Variants in GPR108 observed in about 807,000 individuals in gnomAD.
GPR108 encodes the protein G protein-coupled receptor 108.
GPR108 carries 60 observed loss-of-function variants against 74.3 expected under a neutral mutation model. The observed-to-expected ratio is 0.81, with a 90% CI of 0.66 to 1.00. The LOEUF (loss-of-function observed/expected upper bound fraction) is 1.00. GPR108 is among the 50% of genes least tolerant of loss of function. The pLI, the probability that GPR108 is intolerant of heterozygous loss-of-function variation, is 0.00. For missense variants in GPR108, 667 were observed against 703.3 expected, an observed-to-expected ratio of 0.95 and a Z score of 0.58; for synonymous variants, 311 against 292.4, an observed-to-expected ratio of 1.06 and a Z score of -0.65.
chr19:6,733,692 G>A lies in GPR108; in HGVS notation c.619-18C>T, dbSNP rs759852134. The A allele has an allele frequency of 3.1e-6, 5 of 1,610,874 alleles. No homozygotes were observed. The Admixed American group carries it at 8.3e-5, about 27-fold the overall frequency. On this transcript the variant is annotated intron_variant, in intron 7 of 17. Coordinates refer to ENST00000264080, the MANE Select transcript of GPR108 (RefSeq NM_001080452.2). The stretch of plus-strand genomic sequence containing the variant: ...ACGTGGAACTGGGCGGGCGGGGAGA[G>A]AGGAGGGCTCAGCCTGGGGGACCCG...
chr19:6,732,907 A>G, intron 10 of GPR108, 80 bp downstream of exon 10: 3 of 1,307,818 alleles, frequency 2.3e-6, no homozygotes, highest in Non-Finnish European at 3.2e-6. Context: ...CCACAGGCCC[A>G]GGGTCTGCAG....
At chr19:6,731,977 C>T (rs371648333) in intron 13 of GPR108, 43 bp from the exon 14 acceptor site, 109 of 1,613,272 alleles carry the variant, frequency 6.8e-5, no homozygotes, top group Admixed American at 1.0e-4. Context: ...GCGCGGACAT[C>T]GCCCATGTGC....
At position 6,729,989 on chromosome 19, in the gene GPR108, A is replaced by G. The variant is rs1968317557; in HGVS notation, c.*323T>C. On this transcript the variant is annotated 3_prime_UTR_variant, in exon 18 of 18. Coordinates refer to ENST00000264080, the MANE Select transcript of GPR108 (RefSeq NM_001080452.2). ...CGCCCCCGCCACACACAGCGAAAAC[A>G]GGTTTCTACATTGTAAACACAACCT... The G allele has an allele frequency of 6.1e-6, 2 of 329,220 alleles. No homozygotes were observed. Among genetic ancestry groups the G allele is most frequent in the African/African-American group, 4.3e-5 (2 of 46,958 alleles). 20.4% of individuals were successfully genotyped at this position (329,220 alleles called of 1,614,324 possible). A position where few individuals can be genotyped will look rare whatever the true frequency, so the allele number is the denominator to read the frequency against.
In GPR108 at chr19:6,731,898, G is replaced by A. The variant is rs531668209; in HGVS notation, c.1293C>T (p.Asp431=). 1.6e-4 allele frequency: 266 copies of A among 1,612,318 alleles called. 3 individuals carry two copies. The South Asian group carries it at 2.7e-3, about 17-fold the overall frequency. ...GCAGGCGCAGGGCCTCACCCTTCCC[G>A]TCTGTGCCAGACGCATCCTGGAGAT... ...IRHLQDASGT[D]GKVAVNLAKL... is the part of the protein sequence containing the mutation. The change falls in exon 14 of 18, where the codon GAC becomes GAT. Residue 431 remains aspartate, a synonymous_variant. Transcript: ENST00000264080.
intron 3 of GPR108, 42 bp downstream of exon 3, chr19:6,735,866 C>T: frequency 6.3e-7 from 1 of 1,595,146 alleles, no homozygotes; most frequent in Non-Finnish European, 8.6e-7. Flanking sequence ...CTACCCCCTC[C>T]CTCCAGCCCC....
intron 1 of GPR108, 158 bp downstream of exon 1, chr19:6,737,299 T>G (rs1472940705): frequency 2.2e-5 from 21 of 942,112 alleles, no homozygotes; most frequent in Non-Finnish European, 2.7e-5. Flanking sequence ...CCGAAGGGGA[T>G]CCCGGGACGA....
rs377398403 is a variant in GPR108 at position 6,736,757 on chromosome 19, C to T, written c.121-46G>A. 5 of 1,612,622 alleles carry T rather than the reference C, an allele frequency of 3.1e-6. No homozygotes were observed. In the South Asian group the frequency reaches 5.5e-5, roughly 18 times the overall value. On this transcript the variant is annotated intron_variant, in intron 1 of 17. Transcript: ENST00000264080. ...AGAGGCAGTTCAGACCTCTTTCCGC[C>T]TGCCCAGCCCCAGGGGTCTGGCACG...
At position 6,732,073 on chromosome 19, in the gene GPR108, A is replaced by T; in HGVS notation, c.1208T>A (p.Phe403Tyr). 6.2e-7 allele frequency: 1 copy of T among 1,614,002 alleles called. No individual in the cohort carries two copies. Among genetic ancestry groups the T allele is most frequent in the Non-Finnish European group, 8.5e-7 (1 of 1,180,000 alleles). Residue 403 changes from phenylalanine to tyrosine, a missense_variant, in exon 13 of 18, where the codon TTC becomes TAC. Phe to Tyr is a conservative substitution (Grantham distance 22). Transcript: ENST00000264080. ...SDYVLWKEIL[F>Y]LVDLICCGAI... ...ACCACAGCAGATGAGGTCCACCAGG[A>T]ACAAAATCTCCTTCCACAGCACGTA...
chr19:6,732,181 G>T, intron 12 of GPR108, 26 bp from the exon 13 acceptor site: 1 of 1,612,676 alleles, frequency 6.2e-7, no homozygotes, highest in East Asian at 2.2e-5. Flanking sequence ...GGGTGGGTGG[G>T]CACTGCCTGG....
At chr19:6,730,866 T>C in intron 17 of GPR108, 121 bp downstream of exon 17, 1 of 1,104,502 alleles carries the variant, frequency 9.1e-7, no homozygotes, top group Non-Finnish European at 1.3e-6. Context: ...CAGCAGGCTC[T>C]GCCCTAACAC....
Position 6,737,518 on chromosome 19 carries a change from C to A in GPR108, c.59G>T (p.Arg20Leu). 1 of 1,576,200 alleles carries A rather than the reference C, an allele frequency of 6.3e-7. No homozygotes were observed. Residue 20 changes from arginine (R) to leucine (L), a missense_variant, in exon 1 of 18, where the codon CGG (arginine) becomes CTG (leucine). By Grantham distance (102) the Arg-to-Leu change is moderately radical. Coordinates refer to ENST00000264080, the MANE Select transcript of GPR108 (RefSeq NM_001080452.2). Reference protein sequence around the residue: ...GRGSPAEWGQRLLLVLLLGGC... With the variant: ...GRGSPAEWGQLLLLVLLLGGC... ...ACCCAGCAGCAGCACCAGAAGTAGC[C>A]GCTGCCCCCACTCCGCGGGGCTCCC...
Position 6,733,064 on chromosome 19 carries a change from TG to T in GPR108, c.858-3del. ...CAGTGGATCTTGAAGACGCTGTACC[TG>T]GTGGGAGGGTCAGGGAGAGATGGGG... is the stretch of plus-strand genomic sequence containing the variant. On this transcript the variant is annotated splice_polypyrimidine_tract_variant and splice_region_variant and intron_variant, in intron 9 of 17. Coordinates refer to ENST00000264080, the MANE Select transcript of GPR108 (RefSeq NM_001080452.2). 2 of 1,612,946 alleles carry T rather than the reference TG, an allele frequency of 1.2e-6. No homozygotes were observed. The highest frequency in any genetic ancestry group is 8.5e-7 in the Non-Finnish European group (1 of 1,179,662).
rs147082047 is a variant in GPR108 at position 6,732,484 on chromosome 19, G to A, written c.999C>T (p.Ile333=). The A allele has an allele frequency of 1.9e-3, 3,074 of 1,613,790 alleles. 43 individuals are homozygous for A. The African/African-American group carries it at 0.035, about 18-fold the overall frequency. The part of the protein sequence containing the change: ...PIEGLAVMYY[I]AHLLKGALLF... The stretch of plus-strand genomic sequence containing the variant: ...GAGTGGGGGACACTCACAGGTGTGC[G>A]ATGTAGTACATGACGGCAAGGCCTT... The change falls in exon 11 of 18, where the codon ATC becomes ATT. Residue 333 remains isoleucine, a synonymous_variant. Coordinates refer to ENST00000264080, the MANE Select transcript of GPR108 (RefSeq NM_001080452.2).
intron 4 of GPR108, among the ~76,000 whole-genome samples, chr19:6,734,727 A>G (rs1474345866): frequency 1.3e-5 from 2 of 151,962 alleles, no homozygotes; most frequent in African/African-American, 4.8e-5. Context: ...TTTTCTAGAG[A>G]CAGGGGTCTC....
intron 4 of GPR108, among the ~76,000 whole-genome samples, chr19:6,734,975 A>AG (rs1413508081): frequency 2.6e-5 from 4 of 151,696 alleles, no homozygotes; most frequent in African/African-American, 9.7e-5. Context: ...CCACCTCCCC[A>AG]GCTCAGGAGA....
At position 6,736,043 on chromosome 19, in the gene GPR108, C is replaced by A. The variant is rs340133; in HGVS notation, c.241-85G>T. Reference sequence around the variant, plus strand: ...CCTTTCAGTAGCAATAGAAACCTAACCTCACATTTACTGAACACCTAACAT... The same window carrying A: ...CCTTTCAGTAGCAATAGAAACCTAAACTCACATTTACTGAACACCTAACAT... On this transcript the variant is annotated intron_variant, in intron 2 of 17. Coordinates refer to ENST00000264080, the MANE Select transcript of GPR108 (RefSeq NM_001080452.2). The A allele has an allele frequency of 9.9e-4, 1,225 of 1,236,506 alleles. 8 individuals carry two copies. The African/African-American group carries it at 0.016, about 16-fold the overall frequency. 76.6% of individuals were successfully genotyped at this position (1,236,506 alleles called of 1,614,324 possible).
rs755656479 is a variant in GPR108 at position 6,732,119 on chromosome 19, G to A, written c.1162C>T (p.Arg388Cys). 3.7e-6 allele frequency: 6 copies of A among 1,613,704 alleles called. No individual in the cohort carries two copies. Among genetic ancestry groups the A allele is most frequent in the South Asian group, 1.1e-5 (1 of 91,086 alleles). Residue 388 changes from arginine to cysteine, a missense_variant, in exon 13 of 18, where the codon CGC becomes TGC. Physicochemically the swap from Arg to Cys is radical, Grantham distance 180. Transcript: ENST00000264080. ...ANVAYIIIESREEGASDYVLW... is the reference protein window; with the variant it reads ...ANVAYIIIESCEEGASDYVLW... Reference sequence around the variant, plus strand: ...ACGTAGTCGCTGGCGCCTTCCTCGCGGGACTCGATGATGATGTAGGCCACG... The same window carrying A: ...ACGTAGTCGCTGGCGCCTTCCTCGCAGGACTCGATGATGATGTAGGCCACG...
At chr19:6,734,416 CG>C in intron 4 of GPR108, 109 bp from the exon 5 acceptor site, 1 of 1,072,080 alleles carries the variant, frequency 9.3e-7, no homozygotes, top group Non-Finnish European at 1.3e-6. Context: ...CCCTGAGGGG[CG>C]GGGTCCAGTC....
At chr19:6,731,667 G>C (rs1968408481) in intron 14 of GPR108, 145 bp from the exon 15 acceptor site, 2 of 847,002 alleles carry the variant, frequency 2.4e-6, no homozygotes, top group African/African-American at 3.4e-5. Context: ...AGGTGGGGCA[G>C]AAAGGCGGAA....
Sources: allele counts gnomAD v4.1 joint callset (sites outside exome capture counted in the v4.1 genomes callset), GRCh38; gene constraint gnomAD v4.1.1; transcripts MANE v1.5; gene names NCBI Gene and HGNC (gene_info 2026-07-23, HGNC 2026-07-21).